AGBL4: variants seen among roughly 807,000 people sequenced by gnomAD.
AGBL4 encodes AGBL carboxypeptidase 4, also known as cytosolic carboxypeptidase 6.
AGBL4 carries 58 observed loss-of-function variants against 66.4 expected under a neutral mutation model. That is an observed-to-expected ratio of 0.87 (90% CI 0.71 to 1.09). AGBL4 has a LOEUF of 1.09. Among genes scored for constraint, AGBL4 ranks in the 50% least tolerant of loss-of-function variants. The pLI, the probability that AGBL4 is intolerant of heterozygous loss-of-function variation, is 0.00. For synonymous variants in AGBL4, 234 were observed against 222.9 expected (o/e 1.05, Z -0.44); for missense variants, 579 against 631.0 (o/e 0.92, Z 0.88).
intron 1 of AGBL4, among the ~76,000 whole-genome samples, chr1:49,927,712 A>G (rs1441033236): frequency 1.3e-5 from 2 of 152,176 alleles, no homozygotes; most frequent in Non-Finnish European, 2.9e-5. Flanking sequence ...AATGAAGCAC[A>G]TCTACGAGAT....
chr1:49,810,378 G>C (rs1645071621), intron 2 of AGBL4, among the ~76,000 whole-genome samples: 1 of 152,124 alleles, frequency 6.6e-6, no homozygotes, highest in South Asian at 2.1e-4. Flanking sequence ...CTAGAAAGTA[G>C]AATATTATAT....
intron 1 of AGBL4, among the ~76,000 whole-genome samples, chr1:49,935,630 G>C (rs1294828292): frequency 1.3e-5 from 2 of 152,108 alleles, no homozygotes; most frequent in African/African-American, 2.4e-5. Flanking sequence ...GTACTCCTCT[G>C]AGACAAAACT....
At chr1:49,120,448 G>A (rs187191831) in intron 4 of AGBL4, among the ~76,000 whole-genome samples, 1 of 152,268 alleles carries the variant, frequency 6.6e-6, no homozygotes, top group East Asian at 1.9e-4. Flanking sequence ...TAGTTTGGCT[G>A]GGTATGAAAA....
At chr1:49,755,227 T>C (rs763245857) in intron 2 of AGBL4, among the ~76,000 whole-genome samples, 64 of 152,290 alleles carry the variant, frequency 4.2e-4, no homozygotes, top group Non-Finnish European at 5.0e-4. Flanking sequence ...GAGTAGTCTG[T>C]TTTTCATTTT....
chr1:49,267,205 T>G (rs1161757090), intron 3 of AGBL4, among the ~76,000 whole-genome samples: 1 of 152,246 alleles, frequency 6.6e-6, no homozygotes, highest in Non-Finnish European at 1.5e-5. Flanking sequence ...TGTGTAGTTC[T>G]GAGTCAAATC....
intron 5 of AGBL4, among the ~76,000 whole-genome samples, chr1:48,873,347 TCTAA>T (rs1461514791): frequency 3.3e-5 from 5 of 152,204 alleles, no homozygotes; most frequent in Non-Finnish European, 5.9e-5. Context: ...TGAGGAACTG[TCTAA>T]CTAATTCCTG....
At chr1:49,479,494 C>A (rs545616365) in intron 3 of AGBL4, among the ~76,000 whole-genome samples, 6 of 151,692 alleles carry the variant, frequency 4.0e-5, no homozygotes, top group Non-Finnish European at 8.8e-5. Flanking sequence ...GTGTATTGTT[C>A]CCCTCTATGT....
At chr1:49,315,640 A>C (rs986264692) in intron 3 of AGBL4, among the ~76,000 whole-genome samples, 1 of 152,188 alleles carries the variant, frequency 6.6e-6, no homozygotes, top group Non-Finnish European at 1.5e-5. Context: ...ATATGGAAAA[A>C]AGCTTTAATT....
At position 49,151,508 on chromosome 1, in the gene AGBL4, G is replaced by A. The variant is rs1646333519; in HGVS notation, c.377+94262C>T. Among the ~76,000 whole-genome samples the A allele has an allele frequency of 2.1e-5, 3 of 141,372 alleles. No individual in the cohort carries two copies. The South Asian group carries it at 6.7e-4, about 32-fold the overall frequency. 92.7% of individuals were successfully genotyped at this position (141,372 alleles called of 152,430 possible). ...TGGCCCATTACCCATCTGATGTGAA[G>A]AAAAAAACTGTCATTGCGTGCTTCA... On this transcript the variant is annotated intron_variant, in intron 4 of 13. Transcript: ENST00000371839.
chr1:49,008,962 A>C (rs2149002176), intron 5 of AGBL4, among the ~76,000 whole-genome samples: 1 of 150,802 alleles, frequency 6.6e-6, no homozygotes, highest in East Asian at 2.0e-4. Context: ...ATCACAATTA[A>C]AAGAACTAGA....
intron 3 of AGBL4, among the ~76,000 whole-genome samples, chr1:49,455,696 A>C (rs575076043): frequency 9.2e-5 from 14 of 151,726 alleles, no homozygotes; most frequent in Non-Finnish European, 1.9e-4. Context: ...GAAAATCCAC[A>C]TTCCTTGCTA....
intron 5 of AGBL4, among the ~76,000 whole-genome samples, chr1:48,875,274 T>A (rs571180187): frequency 1.3e-5 from 2 of 152,288 alleles, no homozygotes. Flanking sequence ...CTGACTGATA[T>A]CTGGATGCCA....
intron 3 of AGBL4, among the ~76,000 whole-genome samples, chr1:49,623,260 T>C (rs563280292): frequency 2.0e-5 from 3 of 152,252 alleles, no homozygotes; most frequent in East Asian, 1.9e-4. Context: ...GTCTCTGCCC[T>C]TTTTTTATGC....
intron 1 of AGBL4, among the ~76,000 whole-genome samples, chr1:49,877,759 G>T (rs531850338): frequency 6.6e-6 from 1 of 150,872 alleles, no homozygotes; most frequent in African/African-American, 2.4e-5. Flanking sequence ...TGTACCTCTG[G>T]TAGAATTCGG....
chr1:49,650,432 GA>G (rs1356426704), intron 3 of AGBL4, among the ~76,000 whole-genome samples: 3 of 152,156 alleles, frequency 2.0e-5, no homozygotes, highest in African/African-American at 7.2e-5. Flanking sequence ...GCAACCCTAG[GA>G]AATGCGGTCA....
intron 4 of AGBL4, among the ~76,000 whole-genome samples, chr1:49,059,467 C>T (rs760930761): frequency 1.1e-4 from 17 of 152,226 alleles, no homozygotes; most frequent in Non-Finnish European, 1.6e-4. Context: ...AGAGCCCTCA[C>T]GGAGAAACTC....
At chr1:49,649,086 G>A (rs1645949531) in intron 3 of AGBL4, among the ~76,000 whole-genome samples, 1 of 151,934 alleles carries the variant, frequency 6.6e-6, no homozygotes, top group Non-Finnish European at 1.5e-5. Flanking sequence ...TGGACAGGAG[G>A]GACAAATACA....
intron 11 of AGBL4, among the ~76,000 whole-genome samples, chr1:48,576,924 A>C (rs1644663545): frequency 6.6e-6 from 1 of 152,236 alleles, no homozygotes; most frequent in Non-Finnish European, 1.5e-5. Flanking sequence ...TTTACTGCAC[A>C]GGAAACCTCA....
intron 3 of AGBL4, among the ~76,000 whole-genome samples, chr1:49,692,900 C>A (rs989872076): frequency 6.6e-6 from 1 of 151,984 alleles, no homozygotes; most frequent in Admixed American, 6.6e-5. Context: ...ATACATCAGA[C>A]GACAATCTAT....
Sources: allele counts gnomAD v4.1 joint callset (sites outside exome capture counted in the v4.1 genomes callset), GRCh38; gene constraint gnomAD v4.1.1; transcripts MANE v1.5; gene names NCBI Gene and HGNC (gene_info 2026-07-23, HGNC 2026-07-21).